WDR72: variants seen among roughly 807,000 people sequenced by gnomAD.
WDR72 encodes WD repeat-containing protein 72.
In WDR72, 120 loss-of-function variants were observed where a neutral mutation model predicts 124.2. That is an observed-to-expected ratio of 0.97 (90% CI 0.83 to 1.12). The LOEUF (loss-of-function observed/expected upper bound fraction) is 1.12. WDR72 is among the 50% of genes most tolerant of loss of function. The pLI is 0.00. For missense variants in WDR72, 1,387 were observed against 1,278.8 expected (o/e 1.08, Z -1.29); for synonymous variants, 452 against 441.7 (o/e 1.02, Z -0.29).
intron 14 of WDR72, among the ~76,000 whole-genome samples, chr15:53,635,604 C>G (rs540894045): frequency 6.6e-6 from 1 of 152,172 alleles, no homozygotes; most frequent in African/African-American, 2.4e-5. Flanking sequence ...AAACCAAATA[C>G]CACATGTCCT....
chr15:53,528,678 C>T (rs1396165796), intron 18 of WDR72, among the ~76,000 whole-genome samples: 1 of 151,892 alleles, frequency 6.6e-6, no homozygotes, highest in Non-Finnish European at 1.5e-5. Flanking sequence ...TTTAAATACA[C>T]ACAGAGAGGA....
rs1468302968 is a variant in WDR72, at chr15:53,702,240, TC to T, written c.1462del (p.Asp488ThrfsTer4). ...DQSWMLSGDL[D>X]SCVILWDIFT... Reference sequence around the variant, plus strand: ...GATATCCCACAAGATCACACATGAGTCCAGGTCCCCAGACAACATCCAACTT... The same window carrying T: ...GATATCCCACAAGATCACACATGAGTCAGGTCCCCAGACAACATCCAACTT... On this transcript the variant is annotated frameshift_variant, in exon 12 of 20. Transcript: ENST00000360509. LOFTEE classifies it high-confidence loss of function. 1 of 1,613,974 alleles carries T rather than the reference TC, an allele frequency of 6.2e-7. No homozygotes were observed. The highest frequency in any genetic ancestry group is 8.5e-7 in the Non-Finnish European group (1 of 1,180,016).
At chr15:53,702,073 A>T (rs2017196396) in intron 12 of WDR72, 61 bp downstream of exon 12, 1 of 1,271,198 alleles carries the variant, frequency 7.9e-7, no homozygotes. Flanking sequence ...TTGTCTTATT[A>T]AGTATTCTAT....
intron 14 of WDR72, among the ~76,000 whole-genome samples, chr15:53,644,751 C>G (rs12593967): frequency 0.21 from 32,098 of 151,850 alleles, 3,792 homozygotes; most frequent in East Asian, 0.46. Context: ...TCCAACGGGT[C>G]GGGTGGAGAG....
At chr15:53,737,952 A>G (rs909570643) in intron 1 of WDR72, among the ~76,000 whole-genome samples, 2 of 152,196 alleles carry the variant, frequency 1.3e-5, no homozygotes, top group Non-Finnish European at 1.5e-5. Flanking sequence ...CCATTTAGGA[A>G]ACATTATCTG....
At position 53,712,774 on chromosome 15, in the gene WDR72, T is replaced by TCCAA. The variant is rs1399538115; in HGVS notation, c.705_708dup (p.Lys237LeufsTer5). ...TTTATTATGTTACTTTATAATACCT[T>TCCAA]CCAACATTTAGAAAATACCACCAAT... On this transcript the variant is annotated frameshift_variant, in exon 7 of 20. Coordinates refer to ENST00000360509, the MANE Select transcript of WDR72 (RefSeq NM_182758.4). LOFTEE classifies it high-confidence loss of function. 6.2e-7 allele frequency: 1 copy of TCCAA among 1,612,406 alleles called. No homozygotes were observed. Among genetic ancestry groups the TCCAA allele is most frequent in the Non-Finnish European group, 8.5e-7 (1 of 1,178,822 alleles).
intron 13 of WDR72, among the ~76,000 whole-genome samples, chr15:53,679,649 C>T (rs1292509909): frequency 6.6e-6 from 1 of 151,966 alleles, no homozygotes; most frequent in Non-Finnish European, 1.5e-5. Flanking sequence ...AAGAAGAGTT[C>T]CAATGGAAAA....
chr15:53,597,945 C>T (rs1005252481), intron 17 of WDR72, among the ~76,000 whole-genome samples: 1 of 152,108 alleles, frequency 6.6e-6, no homozygotes, highest in Non-Finnish European at 1.5e-5. Context: ...CTCAAGCTTA[C>T]ACAGACTTGG....
chr15:53,666,021 C>T (rs34853945), intron 13 of WDR72, among the ~76,000 whole-genome samples: 5,779 of 152,170 alleles, frequency 0.038, 138 homozygotes, highest in Non-Finnish European at 0.051. Flanking sequence ...ACAGGAGATT[C>T]GATAGTCTTT....
chr15:53,603,305 T>A (rs573501838), intron 17 of WDR72, among the ~76,000 whole-genome samples: 1 of 152,092 alleles, frequency 6.6e-6, no homozygotes, highest in African/African-American at 2.4e-5. Flanking sequence ...TGTTAAAAAC[T>A]CTCAATAAAG....
At chr15:53,529,164 ATT>A (rs1221581823) in intron 18 of WDR72, among the ~76,000 whole-genome samples, 2,031 of 78,092 alleles carry the variant, frequency 0.026, 39 homozygotes, top group African/African-American at 0.064. Flanking sequence ...ATATATATAT[ATT>A]TTTTTTTTTT....
chr15:53,721,578 G>A (rs1022080854), intron 3 of WDR72, among the ~76,000 whole-genome samples: 1 of 152,100 alleles, frequency 6.6e-6, no homozygotes, highest in Admixed American at 6.6e-5. Flanking sequence ...TACAATTAAT[G>A]ATTTACTATA....
chr15:53,570,303 C>A (rs1457299701), intron 18 of WDR72, among the ~76,000 whole-genome samples: 1 of 150,444 alleles, frequency 6.6e-6, no homozygotes, highest in African/African-American at 2.4e-5. Context: ...AATCTAACCT[C>A]TTCACAATTT....
intron 14 of WDR72, among the ~76,000 whole-genome samples, chr15:53,630,335 T>A (rs879893216): frequency 2.0e-5 from 3 of 152,140 alleles, no homozygotes; most frequent in African/African-American, 7.2e-5. Flanking sequence ...ATAGAAGTGG[T>A]GCGAGAACAC....
intron 1 of WDR72, among the ~76,000 whole-genome samples, chr15:53,740,133 T>C (rs2018468156): frequency 6.6e-6 from 1 of 152,166 alleles, no homozygotes; most frequent in Non-Finnish European, 1.5e-5. Flanking sequence ...CAGTAACTAG[T>C]CACCTGTATT....
At chr15:53,539,460 A>G (rs927848438) in intron 18 of WDR72, among the ~76,000 whole-genome samples, 21 of 152,122 alleles carry the variant, frequency 1.4e-4, no homozygotes, top group African/African-American at 4.6e-4. Flanking sequence ...ATTACATAGT[A>G]ATACATATAC....
intron 14 of WDR72, among the ~76,000 whole-genome samples, chr15:53,617,473 A>G (rs1479597117): frequency 6.6e-6 from 1 of 151,712 alleles, no homozygotes; most frequent in Non-Finnish European, 1.5e-5. Context: ...TTCAATAATA[A>G]AAAAGGAAAG....
At chr15:53,706,344 GTGTGTGTATA>G (rs1436737950) in intron 9 of WDR72, among the ~76,000 whole-genome samples, 91 of 46,020 alleles carry the variant, frequency 2.0e-3, no homozygotes, top group African/African-American at 8.6e-3. Context: ...GTGTGTGTGT[GTGTGTGTATA>G]TATATATATA....
chr15:53,666,137 G>A (rs576759416), intron 13 of WDR72, among the ~76,000 whole-genome samples: 2 of 152,256 alleles, frequency 1.3e-5, no homozygotes, highest in Non-Finnish European at 2.9e-5. Flanking sequence ...AAGCAACAGA[G>A]AACCCACAGT....
Sources: gnomAD v4.1 joint callset for allele counts (sites outside exome capture counted in the v4.1 genomes callset) on GRCh38, gnomAD v4.1.1 for gene constraint, MANE v1.5 for transcripts, NCBI Gene and HGNC (gene_info 2026-07-23, HGNC 2026-07-21) for gene names.